PCDHGA10: variants seen among roughly 807,000 people sequenced by gnomAD.
PCDHGA10 encodes protocadherin gamma subfamily A, 10.
In PCDHGA10, 42 loss-of-function variants were observed where a neutral mutation model predicts 59.5. The observed-to-expected ratio is 0.71, with a 90% CI of 0.55 to 0.91. The LOEUF is 0.91. Among genes scored for constraint, PCDHGA10 ranks in the 40% least tolerant of loss-of-function variants. The probability of loss-of-function intolerance (pLI) is 0.00; values close to 1 mark genes in which losing one functional copy is unlikely to be tolerated. For synonymous variants in PCDHGA10, 511 were observed against 517.2 expected (o/e 0.99, Z 0.16); for missense variants, 1,111 against 1,198.2 (o/e 0.93, Z 1.07).
intron 1 of PCDHGA10, among the ~76,000 whole-genome samples, chr5:141,464,921 G>A (rs1562002597): frequency 6.6e-6 from 1 of 151,106 alleles, no homozygotes; most frequent in Non-Finnish European, 1.5e-5. Flanking sequence ...TTATTTTTTT[G>A]TAGAGATGTG....
chr5:141,491,937 AC>A lies in PCDHGA10; in HGVS notation c.2437-2865del. ...CTGTGGGCGAGGGGAGGTGGGACCG[AC>A]CCCCACCCCTACACTCAAAAAAGGC... On this transcript the variant is annotated intron_variant, in intron 1 of 3. Transcript: ENST00000398610. This position sits in a 1 kb window ranked among gnomAD's most constrained non-coding sequence, Gnocchi z 6.9. The A allele has an allele frequency of 3.4e-6, 4 of 1,164,304 alleles. No homozygotes were observed. Among genetic ancestry groups the A allele is most frequent in the Non-Finnish European group, 4.7e-6 (4 of 858,404 alleles). The allele number at this position is 1,164,304 out of a possible 1,614,324, so 72.1% of individuals were successfully genotyped here.
intron 1 of PCDHGA10, among the ~76,000 whole-genome samples, chr5:141,449,929 T>C (rs2098659723): frequency 6.6e-6 from 1 of 151,912 alleles, no homozygotes; most frequent in Non-Finnish European, 1.5e-5. Context: ...TACCATACCT[T>C]ATAGTATATT....
Position 141,414,212 on chromosome 5 carries a change from A to G in PCDHGA10, c.1037A>G (p.Asp346Gly), listed in dbSNP as rs778319178. 6.2e-7 allele frequency: 1 copy of G among 1,612,944 alleles called. No individual in the cohort carries two copies. The highest frequency in any genetic ancestry group is 1.7e-5 in the Admixed American group (1 of 59,884). The change falls in exon 1 of 4, where the codon GAC (aspartate) becomes GGC (glycine). Residue 346 changes from aspartate to glycine, a missense_variant. Transcript: ENST00000398610. ...TTGATTACAGTAGAAGATGTAAATG[A>G]CAACAGTCCAGAGCTGACCATCACG... ...KVLITVEDVN[D>G]NSPELTITSL...
rs368168278 is a variant in PCDHGA10, at chr5:141,419,810, C to T, written c.2436+4199C>T. On this transcript the variant is annotated intron_variant, in intron 1 of 3. Coordinates refer to ENST00000398610, the MANE Select transcript of PCDHGA10 (RefSeq NM_018913.3). ...GCTAGTCGCTGTAAGAGATGGAGGA[C>T]AGCCACCCCTTTCAGCCACTGCCAC... The T allele has an allele frequency of 3.1e-6, 5 of 1,613,946 alleles. No individual in the cohort carries two copies. The Admixed American group carries it at 8.3e-5, about 27-fold the overall frequency.
chr5:141,478,137 G>A (rs762316494), intron 1 of PCDHGA10: 13 of 1,613,872 alleles, frequency 8.1e-6, no homozygotes, highest in African/African-American at 8.0e-5. Context: ...CCTGAAGCCC[G>A]AGCCGAGTTC....
In PCDHGA10 at chr5:141,489,088, G is replaced by GGCA; in HGVS notation, c.2437-5719_2437-5718insGCA. The GGCA allele has an allele frequency of 2.9e-6, 1 of 347,238 alleles. No individual in the cohort carries two copies. Among genetic ancestry groups the GGCA allele is most frequent in the Non-Finnish European group, 5.0e-6 (1 of 200,706 alleles). The allele number at this position is 347,238 out of a possible 1,614,324, so 21.5% of individuals were successfully genotyped here. A position where few individuals can be genotyped will look rare whatever the true frequency, so the allele number is the denominator to read the frequency against. The stretch of plus-strand genomic sequence containing the variant: ...CCCCTGCCCACCCCCGCCACTCGGT[G>GGCA]ACTAAGAACTGCTGCAAGCAGGCAA... On this transcript the variant is annotated intron_variant, in intron 1 of 3. Coordinates refer to ENST00000398610, the MANE Select transcript of PCDHGA10 (RefSeq NM_018913.3). This position sits in a 1 kb window ranked among gnomAD's most constrained non-coding sequence, Gnocchi z 4.5.
rs201424832 is a variant in PCDHGA10 at position 141,490,802 on chromosome 5, C to T, written c.2437-4005C>T. On this transcript the variant is annotated intron_variant, in intron 1 of 3. Transcript: ENST00000398610. This position sits in a 1 kb window ranked among gnomAD's most constrained non-coding sequence, Gnocchi z 5.4. Reference sequence around the variant, plus strand: ...GATGGACGGATCTTTGCCCAGCGTACCTTTGACTATGAATTGCTGCAGATG... The same window carrying T: ...GATGGACGGATCTTTGCCCAGCGTATCTTTGACTATGAATTGCTGCAGATG... 1 of 1,613,944 alleles carries T rather than the reference C, an allele frequency of 6.2e-7. No homozygotes were observed. Among genetic ancestry groups the T allele is most frequent in the East Asian group, 2.2e-5 (1 of 44,886 alleles).
At position 141,432,730 on chromosome 5, in the gene PCDHGA10, T is replaced by A; in HGVS notation, c.2436+17119T>A. 6.2e-7 allele frequency: 1 copy of A among 1,614,052 alleles called. No homozygotes were observed. Among genetic ancestry groups the A allele is most frequent in the Non-Finnish European group, 8.5e-7 (1 of 1,179,976 alleles). Reference sequence around the variant, plus strand: ...ACGGCCAGCCCCCTCTCTCCGCCACTGTCACGCTCACCGTGGCCGTGGCCG... The same window carrying A: ...ACGGCCAGCCCCCTCTCTCCGCCACAGTCACGCTCACCGTGGCCGTGGCCG... On this transcript the variant is annotated intron_variant, in intron 1 of 3. Transcript: ENST00000398610. The surrounding 1 kb of genome is among the most constrained non-coding windows in gnomAD (Gnocchi z 6.0).
rs997659180 is a variant in PCDHGA10, at chr5:141,415,512, T to C, written c.2337T>C (p.Tyr779=). The change falls in exon 1 of 4, where the codon TAT becomes TAC. Residue 779 remains tyrosine, a synonymous_variant. Coordinates refer to ENST00000398610, the MANE Select transcript of PCDHGA10 (RefSeq NM_018913.3). ...ACCTGATCTTCCCCCAGCCCAATTA[T>C]GCGGACACGCTCATCAGCCAGGAGA... ...KSHLIFPQPN[Y]ADTLISQESC... The C allele has an allele frequency of 1.9e-6, 3 of 1,614,234 alleles. No homozygotes were observed. Among genetic ancestry groups the C allele is most frequent in the Non-Finnish European group, 2.5e-6 (3 of 1,180,050 alleles).
chr5:141,459,947 A>T (rs2098978538), intron 1 of PCDHGA10, among the ~76,000 whole-genome samples: 1 of 152,200 alleles, frequency 6.6e-6, no homozygotes, highest in African/African-American at 2.4e-5. Context: ...GCGTGATGGC[A>T]GGTGCCTGTA....
At chr5:141,426,876 C>T (rs796453479) in intron 1 of PCDHGA10, 2 of 456,726 alleles carry the variant, frequency 4.4e-6, no homozygotes, top group African/African-American at 2.0e-5. Context: ...GGAGAAGCCC[C>T]TGGGCCAGGA....
intron 1 of PCDHGA10, among the ~76,000 whole-genome samples, chr5:141,454,357 TAGAA>T (rs758087339): frequency 3.5e-4 from 54 of 152,354 alleles, no homozygotes; most frequent in Non-Finnish European, 6.3e-4. Context: ...GATCCAAACT[TAGAA>T]AGGAGTATGG....
At position 141,486,028 on chromosome 5, in the gene PCDHGA10, C is replaced by T; in HGVS notation, c.2437-8779C>T. On this transcript the variant is annotated intron_variant, in intron 1 of 3. Transcript: ENST00000398610. This position sits in a 1 kb window ranked among gnomAD's most constrained non-coding sequence, Gnocchi z 5.0. ...TCACCTTTTATTTCAGTGGTCATAC[C>T]CCTGATCGTGTAAGAAACCTCTTTA... The T allele has an allele frequency of 6.2e-7, 1 of 1,614,134 alleles. No individual in the cohort carries two copies. Among genetic ancestry groups the T allele is most frequent in the Non-Finnish European group, 8.5e-7 (1 of 1,180,020 alleles).
At position 141,485,682 on chromosome 5, in the gene PCDHGA10, A is replaced by T. The variant is rs779441999; in HGVS notation, c.2437-9125A>T. 6.2e-7 allele frequency: 1 copy of T among 1,613,958 alleles called. No individual in the cohort carries two copies. Among genetic ancestry groups the T allele is most frequent in the Non-Finnish European group, 8.5e-7 (1 of 1,179,972 alleles). On this transcript the variant is annotated intron_variant, in intron 1 of 3. Transcript: ENST00000398610. This position sits in a 1 kb window ranked among gnomAD's most constrained non-coding sequence, Gnocchi z 5.7. ...GTGGGGAGCAATTCGATTAGCAGCT[A>T]TAGGCTGAGCTCCAATGAACACTTT...
chr5:141,425,337 G>A (rs1327677274), intron 1 of PCDHGA10, among the ~76,000 whole-genome samples: 1 of 152,186 alleles, frequency 6.6e-6, no homozygotes. Flanking sequence ...AAAAAGGAAG[G>A]GTTGGCTTTG....
At chr5:141,496,268 G>T (rs1237681971) in intron 2 of PCDHGA10, among the ~76,000 whole-genome samples, 1 of 152,208 alleles carries the variant, frequency 6.6e-6, no homozygotes, top group Non-Finnish European at 1.5e-5. Flanking sequence ...TCAGCAGAAA[G>T]ACCTTCAGTT....
intron 1 of PCDHGA10, among the ~76,000 whole-genome samples, chr5:141,443,609 T>C (rs2098396115): frequency 1.3e-5 from 2 of 152,260 alleles, no homozygotes; most frequent in African/African-American, 4.8e-5. Flanking sequence ...GAAATGTTCT[T>C]ATAATCAGGT....
At chr5:141,460,977 G>A in intron 1 of PCDHGA10, among the ~76,000 whole-genome samples, 1 of 131,518 alleles carries the variant, frequency 7.6e-6, no homozygotes, top group African/African-American at 3.4e-5. Context: ...GTGTGTGTGT[G>A]TGTGTGTATA....
intron 1 of PCDHGA10, chr5:141,419,027 GTTCCAT>G: frequency 6.2e-7 from 1 of 1,613,870 alleles, no homozygotes; most frequent in Non-Finnish European, 8.5e-7. Context: ...AAGTAGAGGT[GTTCCAT>G]TTAAGATTCA....
Sources: allele counts gnomAD v4.1 joint callset (sites outside exome capture counted in the v4.1 genomes callset), GRCh38; gene constraint gnomAD v4.1.1; non-coding constraint Gnocchi (gnomAD v3.1); transcripts MANE v1.5; gene names NCBI Gene and HGNC (gene_info 2026-07-23, HGNC 2026-07-21).